The following IL1RAPL2 variants were observed in gnomAD, a reference collection of about 807,000 sequenced individuals.
IL1RAPL2 encodes the protein interleukin 1 receptor accessory protein like 2, also known as X-linked interleukin-1 receptor accessory protein-like 2.
Under a neutral mutation model 44.1 loss-of-function variants are expected in IL1RAPL2, and 3 were observed. The observed-to-expected ratio is 0.07, with a 90% CI of 0.03 to 0.18. The LOEUF (loss-of-function observed/expected upper bound fraction) is 0.18. Ranked by LOEUF, IL1RAPL2 falls within the 10% of genes least tolerant of loss-of-function variation. IL1RAPL2 has a pLI of 1.00. For missense variants in IL1RAPL2, 391 were observed against 496.4 expected (o/e 0.79, Z 2.02); for synonymous variants, 181 against 178.8 (o/e 1.01, Z -0.10).
chrX:105,582,600 T>C (rs2037096513), intron 6 of IL1RAPL2, among the ~76,000 whole-genome samples: 2 of 111,089 alleles, frequency 1.8e-5, no homozygotes, highest in Admixed American at 1.9e-4. Context: ...GGAGAAGCCT[T>C]CAGCTTTTTA....
At chrX:105,760,208 T>G (rs2147595139) in intron 10 of IL1RAPL2, among the ~76,000 whole-genome samples, 1 of 111,578 alleles carries the variant, frequency 9.0e-6, no homozygotes, top group East Asian at 2.8e-4. Context: ...AATCTGCTGT[T>G]TGGGTGGCAC....
chrX:104,866,497 T>C (rs1238063526), intron 2 of IL1RAPL2, among the ~76,000 whole-genome samples: 2 of 112,231 alleles, frequency 1.8e-5, no homozygotes, highest in Non-Finnish European at 3.8e-5. Flanking sequence ...TAAAGTTTTA[T>C]TGAAACATAT....
At chrX:104,975,431 G>T (rs999324871) in intron 2 of IL1RAPL2, among the ~76,000 whole-genome samples, 1 of 112,121 alleles carries the variant, frequency 8.9e-6, no homozygotes, top group Non-Finnish European at 1.9e-5. Flanking sequence ...AACACAAGTT[G>T]TAATGACTGT....
At chrX:105,041,549 A>AC (rs2031737977) in intron 2 of IL1RAPL2, among the ~76,000 whole-genome samples, 1 of 110,322 alleles carries the variant, frequency 9.1e-6, no homozygotes, top group Admixed American at 9.7e-5. Flanking sequence ...AAGGAGAACT[A>AC]CAAACCACTG....
chrX:105,035,336 A>C (rs1323454769), intron 2 of IL1RAPL2, among the ~76,000 whole-genome samples: 1 of 111,776 alleles, frequency 8.9e-6, no homozygotes, highest in Non-Finnish European at 1.9e-5. Context: ...TGTGTCACTC[A>C]CGCTAGGAGC....
intron 2 of IL1RAPL2, among the ~76,000 whole-genome samples, chrX:105,182,581 T>C (rs1333533440): frequency 8.9e-6 from 1 of 111,968 alleles, no homozygotes; most frequent in East Asian, 2.8e-4. Context: ...TTTTTATACA[T>C]TCAACCAGTC....
chrX:105,727,039 AT>A (rs11449372), intron 7 of IL1RAPL2, among the ~76,000 whole-genome samples: 2 of 109,502 alleles, frequency 1.8e-5, no homozygotes, highest in Non-Finnish European at 3.8e-5. Context: ...GAACATTTTA[AT>A]TTTTTTAAAC....
chrX:105,474,458 A>G (rs1168016661), intron 5 of IL1RAPL2, among the ~76,000 whole-genome samples: 2 of 111,951 alleles, frequency 1.8e-5, no homozygotes, highest in African/African-American at 6.5e-5. Flanking sequence ...AAAACAGTCA[A>G]TTACCACTTT....
intron 2 of IL1RAPL2, among the ~76,000 whole-genome samples, chrX:104,846,898 G>A (rs896676172): frequency 8.9e-6 from 1 of 111,944 alleles, no homozygotes; most frequent in African/African-American, 3.3e-5. Context: ...TCTAACTGGT[G>A]TGAGATGGTA....
At chrX:104,905,701 C>A (rs1168749460) in intron 2 of IL1RAPL2, among the ~76,000 whole-genome samples, 1 of 111,424 alleles carries the variant, frequency 9.0e-6, no homozygotes, top group Non-Finnish European at 1.9e-5. Context: ...GTTTTGGTTA[C>A]TGTAGCCTTG....
chrX:104,857,170 C>T (rs1019154796), intron 2 of IL1RAPL2, among the ~76,000 whole-genome samples: 5 of 111,828 alleles, frequency 4.5e-5, no homozygotes, highest in Non-Finnish European at 9.4e-5. Context: ...GAACAAATAC[C>T]TATTGGACTC....
intron 1 of IL1RAPL2, among the ~76,000 whole-genome samples, chrX:104,638,210 T>A: frequency 9.3e-6 from 1 of 107,129 alleles, no homozygotes; most frequent in Non-Finnish European, 1.9e-5. Context: ...AGTTGAAATG[T>A]TTTTTTTTCA....
At chrX:105,063,565 G>T (rs1893758520) in intron 2 of IL1RAPL2, among the ~76,000 whole-genome samples, 2 of 112,110 alleles carry the variant, frequency 1.8e-5, no homozygotes, top group Admixed American at 9.4e-5. Context: ...GGGTGGTGTA[G>T]GTGATTCAAG....
At chrX:104,845,238 T>A (rs749851439) in intron 2 of IL1RAPL2, among the ~76,000 whole-genome samples, 1 of 111,961 alleles carries the variant, frequency 8.9e-6, no homozygotes, top group South Asian at 3.7e-4. Context: ...CCTGAAAAAA[T>A]GTTAATGTTT....
intron 2 of IL1RAPL2, among the ~76,000 whole-genome samples, chrX:104,916,163 G>A (rs1389071953): frequency 7.0e-4 from 78 of 111,621 alleles, no homozygotes; most frequent in African/African-American, 2.3e-3. Flanking sequence ...CTTGGGCAGT[G>A]AGGCCATTTT....
At chrX:104,886,513 C>A (rs924882140) in intron 2 of IL1RAPL2, among the ~76,000 whole-genome samples, 3 of 112,015 alleles carry the variant, frequency 2.7e-5, no homozygotes, top group African/African-American at 9.7e-5. Context: ...TGCAGCAGTC[C>A]CTGCAACACC....
intron 2 of IL1RAPL2, among the ~76,000 whole-genome samples, chrX:105,076,672 T>A (rs1281567730): frequency 3.6e-5 from 4 of 111,220 alleles, no homozygotes; most frequent in Non-Finnish European, 5.7e-5. Context: ...TATTGTGTGG[T>A]GGTCTAAGTC....
intron 1 of IL1RAPL2, among the ~76,000 whole-genome samples, chrX:104,619,618 C>T (rs898840446): frequency 2.7e-5 from 3 of 112,041 alleles, no homozygotes; most frequent in East Asian, 2.8e-4. Flanking sequence ...TTGCTACTTC[C>T]GAGTGGCTGA....
At chrX:105,444,055 T>C (rs1190624871) in intron 5 of IL1RAPL2, among the ~76,000 whole-genome samples, 2 of 111,899 alleles carry the variant, frequency 1.8e-5, no homozygotes, top group Non-Finnish European at 3.8e-5. Flanking sequence ...TGAGAGTATA[T>C]CTTATTGTAG....
Sources: gnomAD v4.1 joint callset for allele counts (sites outside exome capture counted in the v4.1 genomes callset) on GRCh38, gnomAD v4.1.1 for gene constraint, MANE v1.5 for transcripts, NCBI Gene and HGNC (gene_info 2026-07-23, HGNC 2026-07-21) for gene names.